CNTN5: variants seen among roughly 807,000 people sequenced by gnomAD.
CNTN5 encodes the protein contactin 5.
In CNTN5, 77 loss-of-function variants were observed where a neutral mutation model predicts 129.1. That is an observed-to-expected ratio of 0.60 (90% CI 0.50 to 0.72). CNTN5 has a LOEUF of 0.72. Among genes scored for constraint, CNTN5 ranks in the 30% least tolerant of loss-of-function variants. The pLI is 0.00. For missense variants in CNTN5, 1,478 were observed against 1,328.8 expected (o/e 1.11, Z -1.75); for synonymous variants, 509 against 465.6 (o/e 1.09, Z -1.20).
intron 13 of CNTN5, among the ~76,000 whole-genome samples, chr11:100,126,943 A>T (rs946127440): frequency 6.6e-6 from 1 of 151,782 alleles, no homozygotes; most frequent in Non-Finnish European, 1.5e-5. Flanking sequence ...CTTTTGAGAT[A>T]GGGTCCCGTT....
chr11:99,370,308 C>A (rs1463459989), intron 2 of CNTN5, among the ~76,000 whole-genome samples: 1 of 152,124 alleles, frequency 6.6e-6, no homozygotes, highest in African/African-American at 2.4e-5. Flanking sequence ...TTTTGAAAAT[C>A]ATCTTTTGGA....
At chr11:100,213,158 A>G (rs552474425) in intron 15 of CNTN5, among the ~76,000 whole-genome samples, 5 of 152,274 alleles carry the variant, frequency 3.3e-5, no homozygotes, top group South Asian at 4.1e-4. Context: ...TTTATTTTGT[A>G]TAACTAGTTC....
chr11:99,876,958 C>G (rs946122618), intron 6 of CNTN5, among the ~76,000 whole-genome samples: 1 of 151,904 alleles, frequency 6.6e-6, no homozygotes, highest in Non-Finnish European at 1.5e-5. Context: ...TTCTTTTATT[C>G]TTTTAAATGA....
chr11:99,109,810 CAAAACCTCTATATT>C (rs1857702399), intron 1 of CNTN5, among the ~76,000 whole-genome samples: 1 of 151,938 alleles, frequency 6.6e-6, no homozygotes. Flanking sequence ...TCAGTCATAG[CAAAACCTCTATATT>C]AATGTGAACA....
At chr11:100,338,650 T>C (rs1952088537) in intron 21 of CNTN5, among the ~76,000 whole-genome samples, 1 of 152,166 alleles carries the variant, frequency 6.6e-6, no homozygotes, top group South Asian at 2.1e-4. Flanking sequence ...CAAGCCTTTG[T>C]GGGAGGGAGC....
At chr11:99,220,179 GA>G in intron 1 of CNTN5, among the ~76,000 whole-genome samples, 1 of 151,968 alleles carries the variant, frequency 6.6e-6, no homozygotes, top group African/African-American at 2.4e-5. Flanking sequence ...TCTATTATTA[GA>G]ACACATTTTG....
intron 1 of CNTN5, among the ~76,000 whole-genome samples, chr11:99,214,249 G>A (rs1276367152): frequency 6.6e-6 from 1 of 151,880 alleles, no homozygotes; most frequent in African/African-American, 2.4e-5. Context: ...TCAAATGCAC[G>A]GAGTCCTGAT....
At chr11:99,707,527 TAA>T (rs1198025930) in intron 3 of CNTN5, among the ~76,000 whole-genome samples, 1 of 151,654 alleles carries the variant, frequency 6.6e-6, no homozygotes, top group Non-Finnish European at 1.5e-5. Flanking sequence ...AATAACAAAC[TAA>T]AAATCAAAAT....
chr11:99,353,396 AG>A (rs1304141681), intron 2 of CNTN5, among the ~76,000 whole-genome samples: 1 of 152,184 alleles, frequency 6.6e-6, no homozygotes, highest in Non-Finnish European at 1.5e-5. Context: ...GTCTTGATCC[AG>A]TTGAGTGTAT....
intron 8 of CNTN5, among the ~76,000 whole-genome samples, chr11:99,970,351 A>G (rs1951215876): frequency 6.6e-6 from 1 of 152,242 alleles, no homozygotes; most frequent in Non-Finnish European, 1.5e-5. Context: ...ATTGAATGCA[A>G]ATTCACAAGA....
chr11:99,900,620 T>G (rs1448889357), intron 6 of CNTN5, among the ~76,000 whole-genome samples: 4 of 152,176 alleles, frequency 2.6e-5, no homozygotes, highest in Non-Finnish European at 4.4e-5. Context: ...GTAATAGATA[T>G]TTCTACAACC....
chr11:100,267,253 CCACACA>C (rs113458728), intron 17 of CNTN5, among the ~76,000 whole-genome samples: 18 of 143,830 alleles, frequency 1.3e-4, no homozygotes, highest in Non-Finnish European at 2.4e-4. Flanking sequence ...CATGAATCAA[CCACACA>C]CACACACACA....
intron 13 of CNTN5, among the ~76,000 whole-genome samples, chr11:100,182,695 T>C (rs1948174169): frequency 6.6e-6 from 1 of 152,054 alleles, no homozygotes; most frequent in African/African-American, 2.4e-5. Context: ...AACTATAACA[T>C]TTCTAGGAAA....
At chr11:100,236,685 C>A (rs762238068) in intron 16 of CNTN5, among the ~76,000 whole-genome samples, 4 of 152,050 alleles carry the variant, frequency 2.6e-5, no homozygotes, top group Admixed American at 6.6e-5. Flanking sequence ...CCGACTGTAG[C>A]TGCCTTTCCT....
At chr11:99,754,925 C>T (rs184570987) in intron 3 of CNTN5, among the ~76,000 whole-genome samples, 58 of 152,284 alleles carry the variant, frequency 3.8e-4, no homozygotes, top group Middle Eastern at 6.8e-3. Flanking sequence ...GTTCATTCCC[C>T]TCTGCCCCCA....
intron 18 of CNTN5, among the ~76,000 whole-genome samples, chr11:100,278,847 A>G (rs982643638): frequency 3.0e-4 from 45 of 151,854 alleles, no homozygotes; most frequent in African/African-American, 1.0e-3. Context: ...CTATGCTGAA[A>G]AATAGTGGTG....
At chr11:100,107,384 T>C (rs895913726) in intron 13 of CNTN5, among the ~76,000 whole-genome samples, 2 of 151,926 alleles carry the variant, frequency 1.3e-5, no homozygotes, top group Non-Finnish European at 2.9e-5. Flanking sequence ...TTTCATGGTA[T>C]AAACAATATT....
chr11:100,258,590 T>C (rs1008505564), intron 17 of CNTN5, among the ~76,000 whole-genome samples: 2 of 152,108 alleles, frequency 1.3e-5, no homozygotes, highest in African/African-American at 4.8e-5. Flanking sequence ...AGTGGATCTC[T>C]CAGCAGAAAC....
chr11:99,639,268 G>T (rs1286458362), intron 3 of CNTN5, among the ~76,000 whole-genome samples: 2 of 152,198 alleles, frequency 1.3e-5, no homozygotes, highest in East Asian at 3.9e-4. Flanking sequence ...ACAACACAGA[G>T]ACCCTGGGCC....
Sources: gnomAD v4.1 joint callset for allele counts (sites outside exome capture counted in the v4.1 genomes callset) on GRCh38, gnomAD v4.1.1 for gene constraint, MANE v1.5 for transcripts, NCBI Gene and HGNC (gene_info 2026-07-23, HGNC 2026-07-21) for gene names.